Variants in WDR89 observed in about 807,000 individuals in gnomAD.
WDR89 encodes WD repeat domain 89.
WDR89 carries 17 observed loss-of-function variants against 29.1 expected under a neutral mutation model. The ratio of observed to expected loss-of-function variants is 0.58; its 90% CI spans 0.40 to 0.88. The LOEUF (loss-of-function observed/expected upper bound fraction) is 0.88, where lower values mean the gene tolerates loss of function less well. Ranked by LOEUF, WDR89 falls within the 40% of genes least tolerant of loss-of-function variation. WDR89 has a pLI of 0.00. For missense variants in WDR89, 396 were observed against 456.3 expected (o/e 0.87, Z 1.20); for synonymous variants, 138 against 157.8 (o/e 0.87, Z 0.94).
intron 2 of WDR89, among the ~76,000 whole-genome samples, chr14:63,608,387 T>C (rs891563249): frequency 6.6e-6 from 1 of 151,770 alleles, no homozygotes; most frequent in Non-Finnish European, 1.5e-5. Context: ...TCAAAAAAAA[T>C]AAATAAATCA....
intron 1 of WDR89, among the ~76,000 whole-genome samples, chr14:63,641,109 A>G (rs1164290341): frequency 2.0e-5 from 3 of 150,508 alleles, no homozygotes; most frequent in Admixed American, 6.6e-5. Flanking sequence ...AAAAAAAAAA[A>G]AAAAAAGAAA....
chr14:63,612,364 C>T lies in WDR89; in HGVS notation c.-31-12391G>A, dbSNP rs146643425. 1.5e-3 allele frequency among the ~76,000 whole-genome samples: 229 copies of T among 148,936 alleles called. 1 individual carries two copies. The highest frequency in any genetic ancestry group is 5.4e-3 in the African/African-American group (219 of 40,356). On this transcript the variant is annotated intron_variant, in intron 2 of 2. Transcript: ENST00000620954. The stretch of plus-strand genomic sequence containing the variant: ...TTTTTTGAGACGGAATCTCCTCTGT[C>T]GCCCGGGCTAGAGTGTAGTGGTGGG...
intron 1 of WDR89, among the ~76,000 whole-genome samples, chr14:63,632,363 G>A (rs940382710): frequency 9.9e-5 from 15 of 152,028 alleles, no homozygotes; most frequent in Non-Finnish European, 2.2e-4. Flanking sequence ...GGGCGTGATG[G>A]CTCCTGCCCC....
intron 2 of WDR89, among the ~76,000 whole-genome samples, chr14:63,614,326 G>A (rs1348699862): frequency 1.1e-5 from 1 of 93,554 alleles, no homozygotes; most frequent in African/African-American, 4.2e-5. Flanking sequence ...TTTTTTTTTT[G>A]AGACAGGGTC....
intron 2 of WDR89, among the ~76,000 whole-genome samples, chr14:63,606,619 G>A (rs1895336928): frequency 6.6e-6 from 1 of 152,132 alleles, no homozygotes; most frequent in South Asian, 2.1e-4. Flanking sequence ...TACTATCTAG[G>A]TTGGGTAAGT....
intron 1 of WDR89, among the ~76,000 whole-genome samples, chr14:63,629,213 T>C (rs1011576222): frequency 6.6e-6 from 1 of 152,190 alleles, no homozygotes; most frequent in African/African-American, 2.4e-5. Flanking sequence ...AAAGCATTAG[T>C]GGATTTAAGC....
intron 2 of WDR89, among the ~76,000 whole-genome samples, chr14:63,624,592 G>A (rs1246047641): frequency 6.7e-6 from 1 of 148,814 alleles, no homozygotes; most frequent in Non-Finnish European, 1.5e-5. Context: ...GCTATATCCA[G>A]AATATATAAA....
intron 1 of WDR89, among the ~76,000 whole-genome samples, chr14:63,641,590 T>C (rs180988030): frequency 1.4e-3 from 212 of 152,374 alleles, no homozygotes; most frequent in Non-Finnish European, 2.5e-3. Context: ...AGAAGTTTCT[T>C]TGGCCAGGGC....
intron 2 of WDR89, among the ~76,000 whole-genome samples, chr14:63,615,924 T>TAAAAA (rs113469632): frequency 0.024 from 3,193 of 132,570 alleles, 54 homozygotes; most frequent in South Asian, 0.084. Context: ...ACCCTGTCTT[T>TAAAAA]AAAAAAAAAA....
intron 2 of WDR89, among the ~76,000 whole-genome samples, chr14:63,603,572 T>C (rs886856365): frequency 6.6e-6 from 1 of 152,226 alleles, no homozygotes; most frequent in Non-Finnish European, 1.5e-5. Flanking sequence ...TTTTTTCCTT[T>C]CTCTGCTTCT....
chr14:63,635,036 A>G (rs1176529431), intron 1 of WDR89, among the ~76,000 whole-genome samples: 1 of 151,968 alleles, frequency 6.6e-6, no homozygotes, highest in Admixed American at 6.6e-5. Flanking sequence ...ATGGATTCAC[A>G]GCAGAATTCT....
At chr14:63,600,089 G>T in intron 2 of WDR89, 116 bp from the exon 3 acceptor site, 1 of 532,984 alleles carries the variant, frequency 1.9e-6, no homozygotes, top group Non-Finnish European at 3.1e-6. Context: ...ATTTTCCTCT[G>T]AGGGCTGGCA....
chr14:63,602,462 C>CAAAA (rs58161137), intron 2 of WDR89, among the ~76,000 whole-genome samples: 21 of 35,602 alleles, frequency 5.9e-4, no homozygotes, highest in African/African-American at 1.2e-3. Flanking sequence ...GATTCCTACT[C>CAAAA]AAAAAAAAAA....
chr14:63,599,961 G>T lies in WDR89; in HGVS notation c.-19C>A. ...TTTCCATGTCAACAGCAGCATCCAA[G>T]GGTAGTAAAACTCTGTAAAAAATAA... On this transcript the variant is annotated 5_prime_UTR_variant, in exon 3 of 3. Transcript: ENST00000620954. 2 of 1,522,370 alleles carry T rather than the reference G, an allele frequency of 1.3e-6. No individual in the cohort carries two copies. Among genetic ancestry groups the T allele is most frequent in the South Asian group, 1.4e-5 (1 of 73,756 alleles). 94.3% of individuals were successfully genotyped at this position (1,522,370 alleles called of 1,614,324 possible).
Position 63,599,266 on chromosome 14 carries a change from C to A in WDR89, c.677G>T (p.Gly226Val), listed in dbSNP as rs1373979816. 1.2e-6 allele frequency: 2 copies of A among 1,612,196 alleles called. No homozygotes were observed. The stretch of plus-strand genomic sequence containing the variant: ...GCAGTAAATCTGTTTATAACCTTTC[C>A]CAGACCAACCAATACAGCTTACTGA... ...ISSVSCIGWS[G>V]KGYKQIYCMT... The change falls in exon 3 of 3, where the codon GGG becomes GTG. Residue 226 changes from glycine to valine, a missense_variant. By Grantham distance (109) the Gly-to-Val change is moderately radical. Transcript: ENST00000620954.
In WDR89 at chr14:63,598,848, T is replaced by A; in HGVS notation, c.1095A>T (p.Ile365=). ...GTACTCGTTGGTGCACAGAGGATGC[T>A]ATTTTCATACTCTCTTTCTTTGTAA... ...KTFTKKESMK[I]ASSVHQRVRV... Residue 365 remains isoleucine (I), a synonymous_variant, in exon 3 of 3, where the codon ATA becomes ATT. Transcript: ENST00000620954. 6.2e-7 allele frequency: 1 copy of A among 1,614,094 alleles called. No homozygotes were observed. The highest frequency in any genetic ancestry group is 8.5e-7 in the Non-Finnish European group (1 of 1,179,986).
intron 2 of WDR89, among the ~76,000 whole-genome samples, chr14:63,609,100 A>G (rs1881790776): frequency 6.6e-6 from 1 of 151,134 alleles, no homozygotes; most frequent in African/African-American, 2.5e-5. Flanking sequence ...AACAGAGCAA[A>G]ACTCCATCTC....
chr14:63,599,521 GCAT>G lies in WDR89; in HGVS notation c.419_421del (p.Asp140del). On this transcript the variant is annotated inframe_deletion, in exon 3 of 3. Transcript: ENST00000620954. ...CCTTGCATCCCAAAACACCAACAAT[GCAT>G]CATCATCAACTTTTTCTGTACCAGC... 1.2e-6 allele frequency: 2 copies of G among 1,614,096 alleles called. No individual in the cohort carries two copies. Among genetic ancestry groups the G allele is most frequent in the Non-Finnish European group, 1.7e-6 (2 of 1,180,010 alleles).
intron 2 of WDR89, among the ~76,000 whole-genome samples, chr14:63,620,378 T>A (rs1278928994): frequency 6.6e-6 from 1 of 152,154 alleles, no homozygotes; most frequent in Non-Finnish European, 1.5e-5. Flanking sequence ...TGTGTATATA[T>A]ACAAACGTAC....
Sources: gnomAD v4.1 joint callset for allele counts (sites outside exome capture counted in the v4.1 genomes callset) on GRCh38, gnomAD v4.1.1 for gene constraint, MANE v1.5 for transcripts, NCBI Gene and HGNC (gene_info 2026-07-23, HGNC 2026-07-21) for gene names.